The following PIN4 variants were observed in gnomAD, a reference collection of about 807,000 sequenced individuals.
PIN4 encodes the protein peptidylprolyl cis/trans isomerase, NIMA-interacting 4.
A neutral mutation model predicts 8.3 loss-of-function variants in PIN4; 3 were observed. The observed-to-expected ratio is 0.36, with a 90% CI of 0.16 to 0.93. PIN4 has a LOEUF of 0.93. Ranked by LOEUF, PIN4 falls within the 40% of genes least tolerant of loss-of-function variation. The pLI is 0.44. For missense variants in PIN4, 75 were observed against 100.6 expected (o/e 0.75, Z 1.09); for synonymous variants, 18 against 32.5 (o/e 0.55, Z 1.52).
intron 3 of PIN4, among the ~76,000 whole-genome samples, chrX:72,210,736 A>G (rs2042849611): frequency 9.0e-6 from 1 of 111,418 alleles, no homozygotes; most frequent in Non-Finnish European, 1.9e-5. Context: ...GCTGTGCTCT[A>G]CCCACCCTCT....
intron 3 of PIN4, among the ~76,000 whole-genome samples, chrX:72,240,817 T>TGGGG (rs2043046384): frequency 2.0e-5 from 2 of 100,057 alleles, no homozygotes; most frequent in African/African-American, 7.8e-5. Context: ...AGAAAAGGGT[T>TGGGG]GGGGGGAGGT....
At chrX:72,229,765 T>G (rs947249946) in intron 3 of PIN4, among the ~76,000 whole-genome samples, 2 of 111,691 alleles carry the variant, frequency 1.8e-5, no homozygotes, top group African/African-American at 6.5e-5. Flanking sequence ...GTCATTCCCT[T>G]AATAGCCACC....
chrX:72,214,077 C>T (rs2065942256), intron 3 of PIN4, among the ~76,000 whole-genome samples: 1 of 112,076 alleles, frequency 8.9e-6, no homozygotes, highest in South Asian at 3.7e-4. Context: ...ATTTGGATAA[C>T]ATAAAAATTG....
At chrX:72,219,710 G>A (rs1293744245) in intron 3 of PIN4, among the ~76,000 whole-genome samples, 2 of 109,612 alleles carry the variant, frequency 1.8e-5, no homozygotes, top group African/African-American at 3.3e-5. Context: ...ATTAGCGGGC[G>A]TGGTGGTGCA....
chrX:72,255,348 G>A (rs897695520), intron 3 of PIN4, among the ~76,000 whole-genome samples: 5 of 108,140 alleles, frequency 4.6e-5, no homozygotes, highest in South Asian at 4.1e-4. Context: ...CGCCGTTTTA[G>A]TTTACAAACT....
At chrX:72,204,926 G>T in intron 3 of PIN4, 1 of 858,240 alleles carries the variant, frequency 1.2e-6, no homozygotes, top group Non-Finnish European at 1.6e-6. Flanking sequence ...AAGCCTGAAT[G>T]CTTCATGTTC....
chrX:72,233,721 C>CAAAAAAAAAAAAAAAA (rs35310682), intron 3 of PIN4, among the ~76,000 whole-genome samples: 2,046 of 88,747 alleles, frequency 0.023, 133 homozygotes, highest in African/African-American at 0.083. Context: ...GACTCCGTCT[C>CAAAAAAAAAAAAAAAA]AAAAAAAAAA....
intron 3 of PIN4, among the ~76,000 whole-genome samples, chrX:72,220,018 A>T (rs760955542): frequency 1.8e-5 from 2 of 111,417 alleles, no homozygotes; most frequent in Non-Finnish European, 3.8e-5. Context: ...ACCCTTGATC[A>T]GGTTAAGGAA....
intron 2 of PIN4, among the ~76,000 whole-genome samples, chrX:72,191,271 C>A (rs749856787): frequency 4.5e-5 from 5 of 111,439 alleles, no homozygotes; most frequent in African/African-American, 1.6e-4. Context: ...TTTAGAAGGG[C>A]TGGGCTCTGT....
exon 4 of PIN4, chrX:72,263,442 A>G (rs2043147576): frequency 8.9e-6 from 1 of 112,091 alleles, no homozygotes; most frequent in Non-Finnish European, 1.9e-5. Flanking sequence ...GGAGACGCCC[A>G]GGGAGCAGGT....
intron 3 of PIN4, among the ~76,000 whole-genome samples, chrX:72,212,280 A>G (rs1487370928): frequency 9.1e-6 from 1 of 110,186 alleles, no homozygotes; most frequent in Non-Finnish European, 1.9e-5. Flanking sequence ...AAAAAAAATA[A>G]TAATAATAAT....
chrX:72,196,967 A>G (rs781382048), intron 3 of PIN4, 63 bp downstream of exon 3: 9 of 975,691 alleles, frequency 9.2e-6, no homozygotes, highest in Non-Finnish European at 1.2e-5. Context: ...AAAATGACAA[A>G]TAATAAAATA....
chrX:72,192,976 C>T lies in PIN4; in HGVS notation c.118-3809C>T, dbSNP rs767948983. On this transcript the variant is annotated intron_variant, in intron 2 of 3. Coordinates refer to ENST00000373669, the MANE Select transcript of PIN4 (RefSeq NM_006223.4). ...TCCAAGGTTACTTTAGCTTTCTTTCCTCCTCTTCTCATTTTCATCTCCTTC... is the reference window on the plus strand; with the variant it reads ...TCCAAGGTTACTTTAGCTTTCTTTCTTCCTCTTCTCATTTTCATCTCCTTC... Among the ~76,000 whole-genome samples, 3 of 110,503 alleles carry T rather than the reference C, an allele frequency of 2.7e-5. No individual in the cohort carries two copies. In the South Asian group the frequency reaches 1.1e-3, roughly 42 times the overall value.
intron 3 of PIN4, among the ~76,000 whole-genome samples, chrX:72,260,861 C>T (rs889159748): frequency 3.6e-5 from 4 of 111,856 alleles, no homozygotes; most frequent in Middle Eastern, 4.6e-3. Flanking sequence ...CCCTTCTTTC[C>T]GTCCCCATGG....
At chrX:72,213,774 G>A (rs2042871415) in intron 3 of PIN4, among the ~76,000 whole-genome samples, 1 of 112,015 alleles carries the variant, frequency 8.9e-6, no homozygotes, top group Admixed American at 9.5e-5. Context: ...TTCTAATAGA[G>A]CTATAACACT....
rs759241784 is a variant in PIN4, at chrX:72,206,315, A to G, written c.312+9411A>G. 146 of 1,206,741 alleles carry G rather than the reference A, an allele frequency of 1.2e-4. 1 individual carries two copies. The South Asian group carries it at 2.6e-3, about 21-fold the overall frequency. ...GTACAAAGTTCTTCTACACTTCCAA[A>G]CCCCTTTGGTAAAGTAGCTATAGAG... On this transcript the variant is annotated intron_variant, in intron 3 of 3. Coordinates refer to the PIN4 transcript ENST00000423432.
At chrX:72,193,749 T>C (rs1364552666) in intron 2 of PIN4, among the ~76,000 whole-genome samples, 1 of 109,678 alleles carries the variant, frequency 9.1e-6, no homozygotes, top group Non-Finnish European at 1.9e-5. Flanking sequence ...CACGCGCCTG[T>C]AATCCCAGCT....
intron 3 of PIN4, among the ~76,000 whole-genome samples, chrX:72,261,312 AAAAC>A (rs2043139231): frequency 9.2e-6 from 1 of 108,984 alleles, no homozygotes; most frequent in Admixed American, 9.8e-5. Context: ...AAAAAAAAAA[AAAAC>A]CAAAATCTGG....
At chrX:72,197,222 A>G in intron 3 of PIN4, 146 bp from the exon 4 acceptor site, 1 of 496,480 alleles carries the variant, frequency 2.0e-6, no homozygotes, top group Non-Finnish European at 3.4e-6. Flanking sequence ...TCTTCTACCT[A>G]TTTGTCCTTA....
Sources: gnomAD v4.1 joint callset for allele counts (sites outside exome capture counted in the v4.1 genomes callset) on GRCh38, gnomAD v4.1.1 for gene constraint, MANE v1.5 for transcripts, NCBI Gene and HGNC (gene_info 2026-07-23, HGNC 2026-07-21) for gene names.